Variants in ATR observed in about 807,000 individuals in gnomAD.
ATR encodes serine/threonine-protein kinase ATR.
In ATR, 142 loss-of-function variants were observed where a neutral mutation model predicts 305.3. The ratio of observed to expected loss-of-function variants is 0.47; its 90% CI spans 0.41 to 0.53. The LOEUF is 0.53. Among genes scored for constraint, ATR ranks in the 20% least tolerant of loss-of-function variants. The pLI is 0.00. For missense variants in ATR, 2,135 were observed against 3,133.1 expected (o/e 0.68, Z 7.60); for synonymous variants, 1,050 against 1,068.1 (o/e 0.98, Z 0.33).
rs748613519 is a variant in ATR at position 142,566,270 on chromosome 3, A to G, written c.152-9T>C. ...TACAAGTTCTACAGCAACTAAAACA[A>G]TAAGATTCATTTTAAAGAGTCATGA... is the stretch of plus-strand genomic sequence containing the variant. On this transcript the variant is annotated splice_polypyrimidine_tract_variant and intron_variant, in intron 2 of 46. Coordinates refer to ENST00000350721, the MANE Select transcript of ATR (RefSeq NM_001184.4). The G allele has an allele frequency of 6.2e-6, 10 of 1,612,750 alleles. No homozygotes were observed. Among genetic ancestry groups the G allele is most frequent in the Middle Eastern group, 1.7e-4 (1 of 6,060 alleles).
At chr3:142,475,078 T>A (rs1559918229) in intron 36 of ATR, among the ~76,000 whole-genome samples, 1 of 152,188 alleles carries the variant, frequency 6.6e-6, no homozygotes, top group Non-Finnish European at 1.5e-5. Flanking sequence ...TTACAACTTA[T>A]ATACATGTTA....
At chr3:142,552,928 G>C (rs891397823) in intron 13 of ATR, among the ~76,000 whole-genome samples, 1 of 151,368 alleles carries the variant, frequency 6.6e-6, no homozygotes, top group Non-Finnish European at 1.5e-5. Flanking sequence ...TGGACACATG[G>C]GGGGAACAAC....
intron 1 of ATR, among the ~76,000 whole-genome samples, chr3:142,571,465 CAATAAATAAATAAATAAATAAATAAATA>C (rs72292987): frequency 2.1e-5 from 3 of 143,156 alleles, no homozygotes; most frequent in Non-Finnish European, 3.0e-5. Flanking sequence ...GACTCAGTCT[CAATAAATAAATAAATAAATAAATAAATA>C]AATAAATAAA....
chr3:142,495,829 C>G (rs1007403007), intron 34 of ATR, among the ~76,000 whole-genome samples: 1 of 151,746 alleles, frequency 6.6e-6, no homozygotes, highest in African/African-American at 2.4e-5. Flanking sequence ...TTAAAAAACC[C>G]CCTTCTTATT....
chr3:142,536,274 G>A (rs1481167279), intron 19 of ATR, 73 bp from the exon 20 acceptor site: 2 of 1,079,172 alleles, frequency 1.9e-6, no homozygotes, highest in Non-Finnish European at 2.8e-6. Flanking sequence ...AGTAAAAGTT[G>A]AAACTAAGGC....
chr3:142,560,551 A>C, intron 5 of ATR, 97 bp from the exon 6 acceptor site: 7 of 1,245,658 alleles, frequency 5.6e-6, no homozygotes, highest in Non-Finnish European at 7.8e-6. Flanking sequence ...TGTAATATCA[A>C]CTATTCAAAA....
Position 142,528,854 on chromosome 3 carries a change from C to CATAT in ATR, c.3946-4659_3946-4656dup, listed in dbSNP as rs1191100552. Among the ~76,000 whole-genome samples the CATAT allele has an allele frequency of 2.8e-3, 185 of 65,682 alleles. 6 individuals are homozygous for CATAT. The highest frequency in any genetic ancestry group is 4.8e-3 in the African/African-American group (47 of 9,844). The allele number at this position is 65,682 out of a possible 152,430, so 43.1% of individuals were successfully genotyped here. The stretch of plus-strand genomic sequence containing the variant: ...GTTTATACTTTTGTTCTGGAATTAT[C>CATAT]ATATATATATATATATATATATATA... On this transcript the variant is annotated intron_variant, in intron 21 of 46. Coordinates refer to ENST00000350721, the MANE Select transcript of ATR (RefSeq NM_001184.4).
At chr3:142,539,901 C>A (rs144993014) in intron 18 of ATR, among the ~76,000 whole-genome samples, 23 of 152,236 alleles carry the variant, frequency 1.5e-4, no homozygotes, top group African/African-American at 4.3e-4. Context: ...ATGCTAAAAT[C>A]ATCAGATGAA....
intron 13 of ATR, among the ~76,000 whole-genome samples, chr3:142,550,943 T>C (rs1370149873): frequency 1.3e-5 from 2 of 152,164 alleles, no homozygotes; most frequent in South Asian, 2.1e-4. Flanking sequence ...GCCCGCCCCA[T>C]GCCCGGTTAA....
intron 35 of ATR, among the ~76,000 whole-genome samples, chr3:142,486,308 G>C (rs1457708620): frequency 6.6e-6 from 1 of 152,112 alleles, no homozygotes; most frequent in Admixed American, 6.5e-5. Flanking sequence ...CCTGGGAATA[G>C]AGGACAGAAT....
chr3:142,480,220 A>G (rs1024258552), intron 36 of ATR, among the ~76,000 whole-genome samples: 1 of 152,064 alleles, frequency 6.6e-6, no homozygotes, highest in Non-Finnish European at 1.5e-5. Flanking sequence ...TTGTGGTTTT[A>G]TCTACCTTTG....
chr3:142,493,076 A>G (rs1345160161), intron 35 of ATR, 56 bp downstream of exon 35: 11 of 1,579,500 alleles, frequency 7.0e-6, no homozygotes, highest in Non-Finnish European at 8.6e-6. Context: ...ATATAGACTT[A>G]AGTCATTTTA....
Position 142,458,964 on chromosome 3 carries a change from G to A in ATR, c.7497C>T (p.Phe2499=), listed in dbSNP as rs2108259826. Residue 2499 remains phenylalanine (F), a synonymous_variant, in exon 44 of 47, where the codon TTC becomes TTT. Coordinates refer to ENST00000350721, the MANE Select transcript of ATR (RefSeq NM_001184.4). ...AGTAACTCATATCACATACCTTATT[G>A]AAAAGACAATTGAAATCTACATGTA... is the stretch of plus-strand genomic sequence containing the variant. The part of the protein sequence containing the change: ...ECVHVDFNCL[F]NKGETFEVPE... The A allele has an allele frequency of 6.2e-7, 1 of 1,613,646 alleles. No homozygotes were observed. Among genetic ancestry groups the A allele is most frequent in the South Asian group, 1.1e-5 (1 of 91,070 alleles).
At position 142,547,856 on chromosome 3, in the gene ATR, G is replaced by T; in HGVS notation, c.3226C>A (p.His1076Asn). The T allele has an allele frequency of 3.7e-6, 6 of 1,613,842 alleles. No individual in the cohort carries two copies. Among genetic ancestry groups the T allele is most frequent in the South Asian group, 1.1e-5 (1 of 91,028 alleles). The change falls in exon 16 of 47, where the codon CAT becomes AAT. Residue 1076 changes from histidine to asparagine, a missense_variant. This residue lies in a region of ATR where 530 missense variants were observed against 766.8 expected (regional missense o/e 0.69). Transcript: ENST00000350721. Reference protein sequence around the residue: ...SLLRQDFQGLHNELLLRIGEH... With the variant: ...SLLRQDFQGLNNELLLRIGEH... ...CCAATACGCAGCAATAATTCATTAT[G>T]CAATCCTTGGAAATCTTGTCTCAAC...
At chr3:142,564,775 A>T (rs945070866) in intron 3 of ATR, among the ~76,000 whole-genome samples, 2 of 151,744 alleles carry the variant, frequency 1.3e-5, no homozygotes, top group Non-Finnish European at 2.9e-5. Flanking sequence ...TTCTTGAGAC[A>T]GGTTCTCACT....
intron 42 of ATR, among the ~76,000 whole-genome samples, chr3:142,460,847 C>A (rs2071009574): frequency 6.6e-6 from 1 of 152,156 alleles, no homozygotes; most frequent in Non-Finnish European, 1.5e-5. Context: ...GGAGTTCCCA[C>A]ATATTCTTCA....
intron 23 of ATR, 92 bp downstream of exon 23, chr3:142,522,636 A>T (rs190331026): frequency 9.0e-7 from 1 of 1,111,562 alleles, no homozygotes; most frequent in Non-Finnish European, 1.4e-6. Context: ...AGTGAGAATT[A>T]AAACAAAAAG....
chr3:142,539,909 G>A (rs1156622432), intron 18 of ATR, among the ~76,000 whole-genome samples: 3 of 152,166 alleles, frequency 2.0e-5, no homozygotes, highest in Non-Finnish European at 4.4e-5. Context: ...ATCATCAGAT[G>A]AAAGATTAGT....
At position 142,458,973 on chromosome 3, in the gene ATR, A is replaced by G. The variant is rs369200535; in HGVS notation, c.7488T>C (p.Asn2496=). 72 of 1,613,690 alleles carry G rather than the reference A, an allele frequency of 4.5e-5. No homozygotes were observed. The highest frequency in any genetic ancestry group is 5.8e-5 in the Non-Finnish European group (69 of 1,179,726). Residue 2496 remains asparagine (N), a synonymous_variant, in exon 44 of 47, where the codon AAT becomes AAC. Coordinates refer to ENST00000350721, the MANE Select transcript of ATR (RefSeq NM_001184.4). ...TATCACATACCTTATTGAAAAGACA[A>G]TTGAAATCTACATGTACGCATTCAC... The part of the protein sequence containing the change: ...LTGECVHVDF[N]CLFNKGETFE...
Sources: allele counts gnomAD v4.1 joint callset (sites outside exome capture counted in the v4.1 genomes callset), GRCh38; gene constraint gnomAD v4.1.1; regional missense constraint gnomAD v4.1.1; transcripts MANE v1.5; gene names NCBI Gene and HGNC (gene_info 2026-07-23, HGNC 2026-07-21).